Variants in ACTR3 observed in about 807,000 individuals in gnomAD.
ACTR3 encodes actin-related protein 3.
In ACTR3, 12 loss-of-function variants were observed where a neutral mutation model predicts 56.8. The observed-to-expected ratio is 0.21, with a 90% confidence interval of 0.14 to 0.34. The LOEUF (loss-of-function observed/expected upper bound fraction) is 0.34, where lower values mean the gene tolerates loss of function less well. ACTR3 is among the 10% of genes least tolerant of loss of function. ACTR3 has a pLI of 1.00. For synonymous variants in ACTR3, 162 were observed against 167.4 expected (o/e 0.97, Z 0.25); for missense variants, 282 against 512.5 (o/e 0.55, Z 4.34).
At chr2:113,916,564 G>A (rs2104596147) in intron 2 of ACTR3, among the ~76,000 whole-genome samples, 1 of 152,142 alleles carries the variant, frequency 6.6e-6, no homozygotes, top group South Asian at 2.1e-4. Flanking sequence ...AGCATATGTG[G>A]ATTTGGTGGG....
At chr2:113,940,583 T>G (rs976585536) in intron 7 of ACTR3, among the ~76,000 whole-genome samples, 1 of 152,114 alleles carries the variant, frequency 6.6e-6, no homozygotes, top group African/African-American at 2.4e-5. Flanking sequence ...AGTATTTTAT[T>G]AATTTTTTTC....
At chr2:113,927,501 T>G (rs1679643163) in intron 4 of ACTR3, 46 bp downstream of exon 4, 1 of 1,211,758 alleles carries the variant, frequency 8.3e-7, no homozygotes. Flanking sequence ...TTGAATACAC[T>G]TAATGAGAAC....
intron 3 of ACTR3, among the ~76,000 whole-genome samples, chr2:113,919,638 G>C (rs1016945125): frequency 6.6e-6 from 1 of 152,142 alleles, no homozygotes; most frequent in Non-Finnish European, 1.5e-5. Flanking sequence ...TGGGATATTG[G>C]TGATAAGCTA....
chr2:113,918,025 A>G (rs922388683), intron 3 of ACTR3, among the ~76,000 whole-genome samples: 2 of 152,310 alleles, frequency 1.3e-5, no homozygotes, highest in African/African-American at 4.8e-5. Flanking sequence ...CAATATATGA[A>G]AAGGCTTTAC....
intron 4 of ACTR3, among the ~76,000 whole-genome samples, chr2:113,928,442 G>T (rs1679658391): frequency 6.6e-6 from 1 of 152,124 alleles, no homozygotes; most frequent in African/African-American, 2.4e-5. Context: ...ATTTGTGTAT[G>T]GTTATTCTTT....
chr2:113,939,018 T>G (rs980519699), intron 6 of ACTR3, among the ~76,000 whole-genome samples: 10 of 150,842 alleles, frequency 6.6e-5, no homozygotes, highest in Non-Finnish European at 1.3e-4. Context: ...TCTGAAAACC[T>G]TTCTTTCTTT....
chr2:113,955,741 A>T (rs938612714), intron 11 of ACTR3, 35 bp downstream of exon 11: 1 of 1,501,880 alleles, frequency 6.7e-7, no homozygotes, highest in East Asian at 2.4e-5. Flanking sequence ...ATTTTATTTT[A>T]TCATTATTAT....
intron 1 of ACTR3, among the ~76,000 whole-genome samples, chr2:113,899,983 TAGAC>T (rs1330522994): frequency 2.6e-5 from 4 of 152,186 alleles, no homozygotes; most frequent in Non-Finnish European, 2.9e-5. Flanking sequence ...ATTTATTTGA[TAGAC>T]AGTAGTGGAT....
At chr2:113,923,582 GC>G (rs1215481748) in intron 3 of ACTR3, among the ~76,000 whole-genome samples, 12 of 152,210 alleles carry the variant, frequency 7.9e-5, no homozygotes, top group African/African-American at 2.4e-4. Flanking sequence ...TGATCTGCCT[GC>G]CTCGGCCTCC....
chr2:113,940,278 C>A, intron 7 of ACTR3, 176 bp downstream of exon 7: 1 of 467,494 alleles, frequency 2.1e-6, no homozygotes. Context: ...AAAATTATTA[C>A]AGCAGTTTGT....
intron 1 of ACTR3, among the ~76,000 whole-genome samples, chr2:113,909,695 T>C (rs779423300): frequency 3.1e-4 from 46 of 146,792 alleles, no homozygotes; most frequent in Non-Finnish European, 7.4e-5. Flanking sequence ...AGACAAGATA[T>C]AAGGGAAAAA....
At chr2:113,921,619 T>C (rs1278587097) in intron 3 of ACTR3, among the ~76,000 whole-genome samples, 1 of 152,218 alleles carries the variant, frequency 6.6e-6, no homozygotes, top group Non-Finnish European at 1.5e-5. Flanking sequence ...GATTTAAATC[T>C]TTAATTCATT....
chr2:113,927,591 T>A (rs1679645180), intron 4 of ACTR3, 136 bp downstream of exon 4: 1 of 563,842 alleles, frequency 1.8e-6, no homozygotes, highest in South Asian at 3.0e-5. Context: ...AGCTGTATCA[T>A]CTTTAAGACC....
intron 3 of ACTR3, among the ~76,000 whole-genome samples, chr2:113,925,557 AGACT>A (rs1679604764): frequency 6.6e-6 from 1 of 152,182 alleles, no homozygotes; most frequent in East Asian, 1.9e-4. Flanking sequence ...TTCTTTTGCT[AGACT>A]GAGTTTTTTG....
chr2:113,915,916 T>G (rs1489028793), intron 2 of ACTR3, among the ~76,000 whole-genome samples: 1 of 152,208 alleles, frequency 6.6e-6, no homozygotes, highest in Non-Finnish European at 1.5e-5. Context: ...GCCACTGTCT[T>G]TTACTAATGA....
At chr2:113,951,444 T>TA (rs749108949) in intron 8 of ACTR3, 35 bp from the exon 9 acceptor site, 2 of 1,397,668 alleles carry the variant, frequency 1.4e-6, no homozygotes, top group Middle Eastern at 1.8e-4. Flanking sequence ...TCAGTAGTGA[T>TA]ATGATCTCTA....
intron 7 of ACTR3, 28 bp downstream of exon 7, chr2:113,940,130 A>G (rs946310958): frequency 1.9e-6 from 3 of 1,579,754 alleles, no homozygotes; most frequent in Non-Finnish European, 2.6e-6. Context: ...AGTGTAATTT[A>G]GTTAAAAATT....
At chr2:113,894,050 C>T (rs1678957703) in intron 1 of ACTR3, among the ~76,000 whole-genome samples, 1 of 151,526 alleles carries the variant, frequency 6.6e-6, no homozygotes, top group South Asian at 2.1e-4. Context: ...GTTCATGTTT[C>T]TTCCATGAAT....
At chr2:113,920,870 C>T (rs187717051) in intron 3 of ACTR3, among the ~76,000 whole-genome samples, 11 of 152,204 alleles carry the variant, frequency 7.2e-5, no homozygotes, top group Non-Finnish European at 1.5e-4. Flanking sequence ...TACACATATC[C>T]GTATGGACAC....
Sources: gnomAD v4.1 joint callset for allele counts (sites outside exome capture counted in the v4.1 genomes callset) on GRCh38, gnomAD v4.1.1 for gene constraint, MANE v1.5 for transcripts, NCBI Gene and HGNC (gene_info 2026-07-23, HGNC 2026-07-21) for gene names.